Variants in CLDN16 observed in about 807,000 individuals in gnomAD.
The protein encoded by CLDN16 is claudin 16.
CLDN16 carries 13 observed loss-of-function variants against 24.6 expected under a neutral mutation model. That is an observed-to-expected ratio of 0.53 (90% CI 0.34 to 0.84). The LOEUF (loss-of-function observed/expected upper bound fraction) is 0.84. Ranked by LOEUF, CLDN16 falls within the 40% of genes least tolerant of loss-of-function variation. The probability of loss-of-function intolerance (pLI) is 0.01; values close to 1 mark genes in which losing one functional copy is unlikely to be tolerated. For missense variants in CLDN16, 298 were observed against 292.7 expected (o/e 1.02, Z -0.13); for synonymous variants, 116 against 106.7 (o/e 1.09, Z -0.54).
chr3:190,409,795 T>C, intron 4 of CLDN16, 108 bp from the exon 5 acceptor site: 30 of 1,014,160 alleles, frequency 3.0e-5, no homozygotes, highest in Non-Finnish European at 4.5e-5. Flanking sequence ...GATACCTTCT[T>C]TGAGTATCTA....
chr3:190,405,028 G>A, intron 3 of CLDN16, 102 bp downstream of exon 3: 4 of 1,175,714 alleles, frequency 3.4e-6, no homozygotes, highest in Non-Finnish European at 3.8e-6. Flanking sequence ...CGGATTATAT[G>A]TGGCTTCCCT....
chr3:190,302,834 T>C, the CLDN16 span, among the ~76,000 whole-genome samples: 1 of 150,844 alleles, frequency 6.6e-6, no homozygotes, highest in Non-Finnish European at 1.5e-5. Flanking sequence ...AGAAAGTATG[T>C]CTGGTAAGAG....
At chr3:190,364,708 GC>G (rs1251164098) in intron 1 of CLDN16, among the ~76,000 whole-genome samples, 2 of 151,908 alleles carry the variant, frequency 1.3e-5, no homozygotes, top group South Asian at 2.1e-4. Flanking sequence ...CTTTCGAAGA[GC>G]CCTTTATCGT....
chr3:190,410,160 T>C lies in CLDN16; in HGVS notation c.*124T>C. On this transcript the variant is annotated 3_prime_UTR_variant, in exon 5 of 5. Coordinates refer to ENST00000264734, the MANE Select transcript of CLDN16 (RefSeq NM_006580.4). ...ATATTGAATTAAATTAATTGCTAGC[T>C]TAATCAAAATGTTTGATTCTCCTAT... 8.9e-7 allele frequency: 1 copy of C among 1,127,808 alleles called. No homozygotes were observed. The highest frequency in any genetic ancestry group is 1.3e-6 in the Non-Finnish European group (1 of 754,612). The allele number at this position is 1,127,808 out of a possible 1,614,324, so 69.9% of individuals were successfully genotyped here. A position where few individuals can be genotyped will look rare whatever the true frequency, so the allele number is the denominator to read the frequency against.
chr3:190,362,499 C>T (rs758661107), intron 1 of CLDN16, among the ~76,000 whole-genome samples: 1 of 151,912 alleles, frequency 6.6e-6, no homozygotes, highest in Non-Finnish European at 1.5e-5. Context: ...TCCTCAAATG[C>T]TCAGGGAGAC....
intron 1 of CLDN16, among the ~76,000 whole-genome samples, chr3:190,363,469 T>C (rs1025745942): frequency 6.7e-6 from 1 of 149,534 alleles, no homozygotes; most frequent in Admixed American, 6.7e-5. Context: ...AACTGTTTTC[T>C]TTTGATTGTT....
chr3:190,370,063 G>A (rs1057207699), intron 1 of CLDN16, among the ~76,000 whole-genome samples: 8 of 152,052 alleles, frequency 5.3e-5, no homozygotes, highest in Admixed American at 5.2e-4. Context: ...TGACAACGTA[G>A]TAGAAAGGCA....
At chr3:190,399,206 T>C (rs1718897566) in intron 1 of CLDN16, among the ~76,000 whole-genome samples, 1 of 152,152 alleles carries the variant, frequency 6.6e-6, no homozygotes, top group Non-Finnish European at 1.5e-5. Flanking sequence ...GAATTCTTTT[T>C]AAAAAAATGT....
intron 1 of CLDN16, among the ~76,000 whole-genome samples, chr3:190,351,077 G>A (rs1243554386): frequency 2.0e-5 from 3 of 151,938 alleles, no homozygotes; most frequent in African/African-American, 2.4e-5. Flanking sequence ...AATTGAGTTC[G>A]TGGGAAATCC....
At chr3:190,298,376 C>CACACACACACACACACACACACA in the CLDN16 span, among the ~76,000 whole-genome samples, 1 of 150,136 alleles carries the variant, frequency 6.7e-6, no homozygotes, top group Admixed American at 6.6e-5. Context: ...CACACACACA[C>CACACACACACACACACACACACA]CTTAACAATG....
At chr3:190,341,136 A>G (rs1048770495) in intron 1 of CLDN16, among the ~76,000 whole-genome samples, 3 of 152,128 alleles carry the variant, frequency 2.0e-5, no homozygotes, top group African/African-American at 7.2e-5. Context: ...TGGATCTACC[A>G]TTATGGGGTC....
the CLDN16 span, chr3:190,310,322 A>G: frequency 2.5e-6 from 3 of 1,179,276 alleles, no homozygotes; most frequent in South Asian, 2.5e-5. Flanking sequence ...CAACCTGTTA[A>G]ACCAAAACAT....
At chr3:190,391,480 G>A (rs1718663818) in intron 1 of CLDN16, among the ~76,000 whole-genome samples, 1 of 152,112 alleles carries the variant, frequency 6.6e-6, no homozygotes, top group Non-Finnish European at 1.5e-5. Flanking sequence ...AAGTATCATT[G>A]GGGAAGAAAA....
At chr3:190,293,234 G>T in the CLDN16 span, among the ~76,000 whole-genome samples, 1 of 151,956 alleles carries the variant, frequency 6.6e-6, no homozygotes, top group African/African-American at 2.4e-5. Flanking sequence ...TAAAACTATT[G>T]GATCTCATGA....
intron 3 of CLDN16, among the ~76,000 whole-genome samples, chr3:190,380,691 T>C (rs1003628546): frequency 3.3e-5 from 5 of 152,006 alleles, no homozygotes; most frequent in Admixed American, 3.3e-4. Flanking sequence ...GGTTGAGAAT[T>C]GCTTGAACCC....
chr3:190,333,757 C>G (rs1219406419), intron 1 of CLDN16, among the ~76,000 whole-genome samples: 3 of 152,078 alleles, frequency 2.0e-5, no homozygotes, highest in Non-Finnish European at 4.4e-5. Flanking sequence ...TGATTTTTCA[C>G]TCTCTATTAC....
chr3:190,388,038 A>G (rs886058243), upstream of CLDN16: 49 of 1,328,266 alleles, frequency 3.7e-5, no homozygotes, highest in Non-Finnish European at 4.8e-5. Flanking sequence ...AAAACGTTAC[A>G]GAACTCCTCT....
intron 4 of CLDN16, 35 bp from the exon 5 acceptor site, chr3:190,409,868 T>A: frequency 6.2e-7 from 1 of 1,605,176 alleles, no homozygotes; most frequent in Non-Finnish European, 8.5e-7. Flanking sequence ...CCAAGTTCAC[T>A]GAGTTCTACT....
chr3:190,385,133 G>A (rs1297713366), upstream of CLDN16, among the ~76,000 whole-genome samples: 6 of 152,196 alleles, frequency 3.9e-5, no homozygotes, highest in Middle Eastern at 3.4e-3. Flanking sequence ...AAGTACTAGA[G>A]TCAGAGTACA....
Sources: gnomAD v4.1 joint callset for allele counts (sites outside exome capture counted in the v4.1 genomes callset) on GRCh38, gnomAD v4.1.1 for gene constraint, MANE v1.5 for transcripts, NCBI Gene and HGNC (gene_info 2026-07-23, HGNC 2026-07-21) for gene names.